Variants in OTUD7B observed in about 807,000 individuals in gnomAD.
OTUD7B encodes the protein OTU domain-containing protein 7B.
Under a neutral mutation model 82.2 loss-of-function variants are expected in OTUD7B, and 34 were observed. The observed-to-expected ratio is 0.41, with a 90% CI of 0.31 to 0.55. The LOEUF (loss-of-function observed/expected upper bound fraction) is 0.55. Ranked by LOEUF, OTUD7B falls within the 20% of genes least tolerant of loss-of-function variation. The probability of loss-of-function intolerance (pLI) is 0.20; values close to 1 mark genes in which losing one functional copy is unlikely to be tolerated. For missense variants in OTUD7B, 944 were observed against 1,062.1 expected, an observed-to-expected ratio of 0.89 and a Z score of 1.55; for synonymous variants, 398 against 402.7, an observed-to-expected ratio of 0.99 and a Z score of 0.14.
chr1:149,978,081 C>T (rs587650897), intron 1 of OTUD7B, among the ~76,000 whole-genome samples: 3 of 152,346 alleles, frequency 2.0e-5, no homozygotes, highest in South Asian at 4.1e-4. Context: ...TCACTTGGCA[C>T]AGTGCTAGGC....
At chr1:149,991,127 CA>C (rs1553782005) in intron 1 of OTUD7B, among the ~76,000 whole-genome samples, 2 of 152,104 alleles carry the variant, frequency 1.3e-5, no homozygotes, top group African/African-American at 4.8e-5. Context: ...TCTAGATGTG[CA>C]AACCCCACAG....
At chr1:149,969,490 T>A (rs2101831194) in intron 3 of OTUD7B, among the ~76,000 whole-genome samples, 1 of 152,128 alleles carries the variant, frequency 6.6e-6, no homozygotes, top group African/African-American at 2.4e-5. Flanking sequence ...ATATACAGGT[T>A]TTGGCCGGGC....
chr1:150,001,702 C>T (rs1484847153), intron 1 of OTUD7B, among the ~76,000 whole-genome samples: 1 of 152,168 alleles, frequency 6.6e-6, no homozygotes, highest in Non-Finnish European at 1.5e-5. Context: ...AAAATGTACC[C>T]TTGCCCACTT....
In OTUD7B at chr1:149,967,452, G is replaced by T. The variant is rs1311788590; in HGVS notation, c.344C>A (p.Ser115Tyr). The change falls in exon 4 of 12, where the codon TCC becomes TAC. Residue 115 changes from serine to tyrosine, a missense_variant. Transcript: ENST00000581312. ...SIVSLARSHV[S>Y]SNGGGGGSNE... The stretch of plus-strand genomic sequence containing the variant: ...GCTCCCCCCACCCCCACCATTGGAG[G>T]AGACATGGGACCGGGCCAGGGAAAC... The T allele has an allele frequency of 6.2e-7, 1 of 1,614,132 alleles. No homozygotes were observed. The highest frequency in any genetic ancestry group is 2.2e-5 in the East Asian group (1 of 44,872).
the OTUD7B span, among the ~76,000 whole-genome samples, chr1:150,018,288 A>G: frequency 6.6e-6 from 1 of 152,246 alleles, no homozygotes; most frequent in Non-Finnish European, 1.5e-5. Flanking sequence ...CACTGCCTAT[A>G]GCAGGAAAGA....
intron 1 of OTUD7B, among the ~76,000 whole-genome samples, chr1:149,998,155 T>C (rs1294652765): frequency 6.6e-6 from 1 of 152,130 alleles, no homozygotes; most frequent in Non-Finnish European, 1.5e-5. Context: ...ATTCCCCTTA[T>C]CTCTCTTCAA....
intron 3 of OTUD7B, among the ~76,000 whole-genome samples, chr1:149,969,361 T>A (rs1325136376): frequency 1.3e-5 from 2 of 152,112 alleles, no homozygotes; most frequent in Non-Finnish European, 2.9e-5. Context: ...AAAATCAATA[T>A]ACCATCAAAA....
At chr1:149,951,550 C>T (rs1553773471) in intron 7 of OTUD7B, among the ~76,000 whole-genome samples, 2 of 152,114 alleles carry the variant, frequency 1.3e-5, no homozygotes, top group African/African-American at 2.4e-5. Context: ...TGTTCAAATA[C>T]GGAGGGACAA....
At chr1:149,966,433 T>C (rs1474215137) in intron 4 of OTUD7B, among the ~76,000 whole-genome samples, 1 of 152,170 alleles carries the variant, frequency 6.6e-6, no homozygotes, top group East Asian at 1.9e-4. Context: ...AAGCATGTAT[T>C]TAAGGTGTTT....
intron 11 of OTUD7B, among the ~76,000 whole-genome samples, chr1:149,945,975 G>A (rs892484116): frequency 2.6e-5 from 4 of 151,702 alleles, no homozygotes; most frequent in African/African-American, 4.8e-5. Flanking sequence ...CAGGAGAATC[G>A]CTTGAACCCA....
Position 149,937,829 on chromosome 1 carries a change from C to A in OTUD7B, c.*6028G>T. On this transcript the variant is annotated 3_prime_UTR_variant, in exon 12 of 12. Transcript: ENST00000581312. ...ATACAAAATAAGAGTTAATGAGCTG[C>A]TGTTTTATTGCTTTTGAATCTACAG... 1 of 152,320 alleles carries A rather than the reference C, an allele frequency of 6.6e-6. No homozygotes were observed. Among genetic ancestry groups the A allele is most frequent in the Non-Finnish European group, 1.5e-5 (1 of 68,036 alleles). The allele number at this position is 152,320 out of a possible 1,614,324, so 9.4% of individuals were successfully genotyped here.
chr1:149,961,862 T>G (rs1287156684), intron 6 of OTUD7B: 1 of 152,228 alleles, frequency 6.6e-6, no homozygotes, highest in Non-Finnish European at 1.5e-5. Context: ...GTACAAGCAA[T>G]TTTAAAATAC....
chr1:150,032,103 G>A, the OTUD7B span, among the ~76,000 whole-genome samples: 1 of 150,936 alleles, frequency 6.6e-6, no homozygotes, highest in African/African-American at 2.4e-5. Context: ...TTGAGGTCAG[G>A]AGTTCGAGAC....
At chr1:150,046,418 T>C in the OTUD7B span, among the ~76,000 whole-genome samples, 3 of 149,760 alleles carry the variant, frequency 2.0e-5, no homozygotes, top group African/African-American at 7.4e-5. Flanking sequence ...GCCAGACTGA[T>C]CCTCTCCTCA....
Position 149,965,787 on chromosome 1 carries a change from T to C in OTUD7B, c.594A>G (p.Ala198=). 6.2e-7 allele frequency: 1 copy of C among 1,613,098 alleles called. No homozygotes were observed. Among genetic ancestry groups the C allele is most frequent in the Non-Finnish European group, 8.5e-7 (1 of 1,179,162 alleles). The change falls in exon 5 of 12, where the codon GCA becomes GCG. Residue 198 remains alanine, a synonymous_variant. Transcript: ENST00000581312. ...TTGDGNCLLH[A]ASLGMWGFHD... ...GCTTTCAAGACTCACCAAGGGAGGC[T>C]GCATGCAGGAGGCAGTTCCCATCTC...
intron 3 of OTUD7B, among the ~76,000 whole-genome samples, chr1:149,970,694 C>G (rs1649857358): frequency 6.6e-6 from 1 of 152,084 alleles, no homozygotes; most frequent in Admixed American, 6.5e-5. Flanking sequence ...ATTGCTAAGT[C>G]AGAGTACATA....
At chr1:150,001,831 A>C (rs1652308428) in intron 1 of OTUD7B, among the ~76,000 whole-genome samples, 1 of 152,128 alleles carries the variant, frequency 6.6e-6, no homozygotes, top group South Asian at 2.1e-4. Flanking sequence ...CAACTCAGAC[A>C]AGTTTTGAGG....
At chr1:149,947,153 T>A (rs1333710467) in intron 11 of OTUD7B, 98 bp downstream of exon 11, 3 of 685,694 alleles carry the variant, frequency 4.4e-6, no homozygotes, top group African/African-American at 3.5e-5. Flanking sequence ...AAGCCACCAC[T>A]CAGAATAGAT....
chr1:150,062,708 C>T, the OTUD7B span, among the ~76,000 whole-genome samples: 31 of 96,054 alleles, frequency 3.2e-4, no homozygotes, highest in South Asian at 1.0e-3. Context: ...CTTCTTCTTT[C>T]TTTTTTTTTT....
Sources: allele counts gnomAD v4.1 joint callset (sites outside exome capture counted in the v4.1 genomes callset), GRCh38; gene constraint gnomAD v4.1.1; transcripts MANE v1.5; gene names NCBI Gene and HGNC (gene_info 2026-07-23, HGNC 2026-07-21).